CELF2: variants seen among roughly 807,000 people sequenced by gnomAD.
CELF2 encodes the protein CUG triplet repeat RNA-binding protein 2.
CELF2 carries 8 observed loss-of-function variants against 62.6 expected under a neutral mutation model. That is an observed-to-expected ratio of 0.13 (90% confidence interval 0.07 to 0.23). The LOEUF (loss-of-function observed/expected upper bound fraction) is 0.23. Ranked by LOEUF, CELF2 falls within the 10% of genes least tolerant of loss-of-function variation. The pLI, the probability that CELF2 is intolerant of heterozygous loss-of-function variation, is 1.00. For missense variants in CELF2, 333 were observed against 671.0 expected, an observed-to-expected ratio of 0.50 and a Z score of 5.56; for synonymous variants, 258 against 250.0, an observed-to-expected ratio of 1.03 and a Z score of -0.30.
At chr10:10,506,822 G>A in the CELF2 span, among the ~76,000 whole-genome samples, 18 of 151,578 alleles carry the variant, frequency 1.2e-4, no homozygotes, top group African/African-American at 3.6e-4. Flanking sequence ...GTACCACCAC[G>A]CCTGGCTAAT....
At chr10:10,984,171 G>T (rs2052466296) in intron 2 of CELF2, among the ~76,000 whole-genome samples, 1 of 152,170 alleles carries the variant, frequency 6.6e-6, no homozygotes, top group Non-Finnish European at 1.5e-5. Context: ...TGAGGAAATA[G>T]GTTCCGAAAA....
chr10:10,970,332 G>T (rs954550631), intron 2 of CELF2, among the ~76,000 whole-genome samples: 1 of 152,150 alleles, frequency 6.6e-6, no homozygotes, highest in Non-Finnish European at 1.5e-5. Context: ...CTCCCAAAGT[G>T]CTGGGATTAC....
chr10:11,148,946 C>G (rs927919353), intron 1 of CELF2, among the ~76,000 whole-genome samples: 14 of 152,156 alleles, frequency 9.2e-5, no homozygotes, highest in African/African-American at 3.1e-4. Flanking sequence ...CCTCATCACT[C>G]TGGTATCACT....
intron 1 of CELF2, among the ~76,000 whole-genome samples, chr10:11,140,655 A>G (rs1331148764): frequency 3.9e-5 from 6 of 152,196 alleles, no homozygotes; most frequent in Non-Finnish European, 4.4e-5. Flanking sequence ...TTCGCTATTT[A>G]AGATTTAATA....
the CELF2 span, among the ~76,000 whole-genome samples, chr10:10,755,650 T>A: frequency 1.3e-5 from 2 of 152,220 alleles, no homozygotes; most frequent in East Asian, 3.8e-4. Flanking sequence ...GTGAGGAACA[T>A]CTTTCCTAAA....
At chr10:10,720,920 A>T in the CELF2 span, among the ~76,000 whole-genome samples, 1 of 152,244 alleles carries the variant, frequency 6.6e-6, no homozygotes, top group African/African-American at 2.4e-5. Flanking sequence ...GTTGGGGGAA[A>T]AATATGAATG....
rs1296968800 is a variant in CELF2 at position 11,117,853 on chromosome 10, A to G, written c.75-47633A>G. The stretch of plus-strand genomic sequence containing the variant: ...AAAAGCTAACTCATGCATGCACAAC[A>G]TGATAGGCCATGTCACTCCTCACAG... On this transcript the variant is annotated intron_variant, in intron 1 of 12. Transcript: ENST00000633077. This position sits in a 1 kb window ranked among gnomAD's most constrained non-coding sequence, Gnocchi z 4.1. Among the ~76,000 whole-genome samples, 4 of 152,120 alleles carry G rather than the reference A, an allele frequency of 2.6e-5. No homozygotes were observed. The highest frequency in any genetic ancestry group is 5.9e-5 in the Non-Finnish European group (4 of 68,014).
At chr10:11,027,795 AAG>A in intron 1 of CELF2, among the ~76,000 whole-genome samples, 1 of 152,332 alleles carries the variant, frequency 6.6e-6, no homozygotes, top group Middle Eastern at 3.4e-3. Flanking sequence ...TGCCTACTTC[AAG>A]TCTCAGTTGA....
chr10:11,247,776 A>G lies in CELF2; in HGVS notation c.355-1377A>G, dbSNP rs753736656. ...GATCGCTTGCTCAAAGACTCTGCCC[A>G]TCTCCCCCAGGCATGTTGCTGGTCC... On this transcript the variant is annotated intron_variant, in intron 3 of 12. Transcript: ENST00000633077. The surrounding 1 kb of genome is among the most constrained non-coding windows in gnomAD (Gnocchi z 5.4). 4.6e-5 allele frequency among the ~76,000 whole-genome samples: 7 copies of G among 152,110 alleles called. No individual in the cohort carries two copies. The highest frequency in any genetic ancestry group is 8.8e-5 in the Non-Finnish European group (6 of 68,002).
At chr10:10,605,126 A>G in the CELF2 span, among the ~76,000 whole-genome samples, 22 of 152,236 alleles carry the variant, frequency 1.4e-4, no homozygotes, top group Middle Eastern at 3.2e-3. Context: ...TTGCAAGGAC[A>G]TGGATGAAGC....
intron 11 of CELF2, among the ~76,000 whole-genome samples, chr10:11,322,515 T>A (rs1180607570): frequency 6.6e-6 from 1 of 152,176 alleles, no homozygotes; most frequent in Non-Finnish European, 1.5e-5. Context: ...AAAGCTAGAA[T>A]AGAGAAGCAC....
At chr10:10,754,226 C>T in the CELF2 span, among the ~76,000 whole-genome samples, 1 of 151,588 alleles carries the variant, frequency 6.6e-6, no homozygotes, top group African/African-American at 2.4e-5. Flanking sequence ...CTCACTGCAG[C>T]CTCCAATTCT....
At chr10:10,910,763 C>T (rs967213976) in intron 1 of CELF2, among the ~76,000 whole-genome samples, 3 of 150,542 alleles carry the variant, frequency 2.0e-5, no homozygotes, top group African/African-American at 7.3e-5. Flanking sequence ...CTCGCATGTG[C>T]ATTGTCTGTT....
chr10:11,054,356 T>C (rs982690195), intron 1 of CELF2, among the ~76,000 whole-genome samples: 1 of 152,224 alleles, frequency 6.6e-6, no homozygotes, highest in African/African-American at 2.4e-5. Context: ...TTGATATTTA[T>C]GGCAATGGTT....
rs1233064743 is a variant in CELF2 at position 11,211,809 on chromosome 10, AGAGAGTGTGTGTGTGTGT to A, written c.272-5614_272-5597del. On this transcript the variant is annotated intron_variant, in intron 2 of 12. Coordinates refer to ENST00000633077, the MANE Select transcript of CELF2 (RefSeq NM_001326342.2). This position sits in a 1 kb window ranked among gnomAD's most constrained non-coding sequence, Gnocchi z 4.8. ...ATGTGTGTGAGAGAGAGAGAGAGAGAGAGAGTGTGTGTGTGTGTGTGTGTGTGTGTGTGTGTGTGTGTG... is the reference window on the plus strand; with the variant it reads ...ATGTGTGTGAGAGAGAGAGAGAGAGAGTGTGTGTGTGTGTGTGTGTGTGTG... Among the ~76,000 whole-genome samples the A allele has an allele frequency of 1.5e-4, 20 of 129,960 alleles. No individual in the cohort carries two copies. Among genetic ancestry groups the A allele is most frequent in the African/African-American group, 5.0e-4 (16 of 31,916 alleles). The allele number at this position is 129,960 out of a possible 152,430, so 85.3% of individuals were successfully genotyped here. A position where few individuals can be genotyped will look rare whatever the true frequency, so the allele number is the denominator to read the frequency against.
At chr10:11,276,676 G>T (rs2086248592) in intron 8 of CELF2, among the ~76,000 whole-genome samples, 1 of 152,202 alleles carries the variant, frequency 6.6e-6, no homozygotes, top group Non-Finnish European at 1.5e-5. Context: ...TTTCCTTAGA[G>T]GTGGCCTCAG....
chr10:10,669,924 C>T, the CELF2 span, among the ~76,000 whole-genome samples: 4 of 100,018 alleles, frequency 4.0e-5, no homozygotes, highest in East Asian at 3.1e-4. Context: ...TTTTTTGAGA[C>T]GGAGTTTTGC....
the CELF2 span, among the ~76,000 whole-genome samples, chr10:10,784,222 C>A: frequency 1.3e-5 from 2 of 152,314 alleles, no homozygotes; most frequent in South Asian, 4.1e-4. Flanking sequence ...GGGGAGCACA[C>A]AGATGGGCAG....
At chr10:11,134,240 G>A (rs916784924) in intron 1 of CELF2, among the ~76,000 whole-genome samples, 1 of 152,188 alleles carries the variant, frequency 6.6e-6, no homozygotes, top group Non-Finnish European at 1.5e-5. Context: ...GGTGCAAAGG[G>A]GCAGGGGCCC....
Sources: allele counts gnomAD v4.1 joint callset (sites outside exome capture counted in the v4.1 genomes callset), GRCh38; gene constraint gnomAD v4.1.1; non-coding constraint Gnocchi (gnomAD v3.1); transcripts MANE v1.5; gene names NCBI Gene and HGNC (gene_info 2026-07-23, HGNC 2026-07-21).